Variants in PRDM16 observed in about 807,000 individuals in gnomAD.
PRDM16 encodes the protein PR/SET domain 16.
A neutral mutation model predicts 110.6 loss-of-function variants in PRDM16; 23 were observed. The observed-to-expected ratio is 0.21, with a 90% CI of 0.15 to 0.29. PRDM16 has a LOEUF of 0.29. PRDM16 is among the 10% of genes least tolerant of loss of function. PRDM16 has a pLI of 1.00. For synonymous variants in PRDM16, 799 were observed against 781.8 expected (o/e 1.02, Z -0.37); for missense variants, 1,615 against 1,794.3 (o/e 0.90, Z 1.81).
At chr1:3,292,719 G>A (rs78986054) in intron 3 of PRDM16, among the ~76,000 whole-genome samples, 2,830 of 152,302 alleles carry the variant, frequency 0.019, 100 homozygotes, top group African/African-American at 0.065. Flanking sequence ...GGTGGCCCCA[G>A]GAGACAGGGG....
In PRDM16 at chr1:3,245,068, C is replaced by T. The variant is rs1325877144; in HGVS notation, c.438+931C>T. On this transcript the variant is annotated intron_variant, in intron 3 of 16. Coordinates refer to ENST00000270722, the MANE Select transcript of PRDM16 (RefSeq NM_022114.4). The surrounding 1 kb of genome is among the most constrained non-coding windows in gnomAD (Gnocchi z 4.7). The stretch of plus-strand genomic sequence containing the variant: ...CCCACCCAGACAGCATCGCAGGGGG[C>T]GGGGTGGGGCGGGGTGCACCATGGG... Among the ~76,000 whole-genome samples the T allele has an allele frequency of 1.3e-5, 2 of 151,826 alleles. No individual in the cohort carries two copies. Among genetic ancestry groups the T allele is most frequent in the African/African-American group, 4.8e-5 (2 of 41,342 alleles).
At chr1:3,405,386 A>G in intron 7 of PRDM16, 109 bp from the exon 8 acceptor site, 2 of 1,291,080 alleles carry the variant, frequency 1.5e-6, no homozygotes, top group South Asian at 3.1e-5. Flanking sequence ...CAACGTGGCA[A>G]GAGAGACAGG....
chr1:3,400,339 G>A (rs1643447001), intron 5 of PRDM16, among the ~76,000 whole-genome samples: 4 of 152,216 alleles, frequency 2.6e-5, no homozygotes, highest in Non-Finnish European at 1.5e-5. Context: ...GCCACGTGGG[G>A]CTCCCACCAG....
chr1:3,182,977 T>C (rs983891388), intron 1 of PRDM16, among the ~76,000 whole-genome samples: 1 of 152,120 alleles, frequency 6.6e-6, no homozygotes, highest in Non-Finnish European at 1.5e-5. Flanking sequence ...GGTCTCCCCA[T>C]AGAAATTCTA....
intron 3 of PRDM16, among the ~76,000 whole-genome samples, chr1:3,369,207 T>C (rs1478938745): frequency 6.6e-6 from 1 of 152,208 alleles, no homozygotes; most frequent in Non-Finnish European, 1.5e-5. Flanking sequence ...TTGAACTTAA[T>C]TGGTTCCATT....
intron 3 of PRDM16, among the ~76,000 whole-genome samples, chr1:3,365,883 TG>T (rs1642800463): frequency 6.6e-6 from 1 of 152,180 alleles, no homozygotes; most frequent in South Asian, 2.1e-4. Flanking sequence ...CGTGTTTATG[TG>T]CGCAGGGATG....
chr1:3,258,492 A>G (rs748097165), intron 3 of PRDM16, among the ~76,000 whole-genome samples: 44 of 152,208 alleles, frequency 2.9e-4, no homozygotes, highest in Admixed American at 9.8e-4. Flanking sequence ...CTGCATTGGG[A>G]AACTGTTTCT....
At chr1:3,149,934 G>C (rs1008258772) in intron 1 of PRDM16, among the ~76,000 whole-genome samples, 3 of 152,178 alleles carry the variant, frequency 2.0e-5, no homozygotes, top group Non-Finnish European at 4.4e-5. Flanking sequence ...CCTGGACAAG[G>C]TTCAAGGAGG....
chr1:3,396,456 ACACT>A (rs1643387722), intron 4 of PRDM16, 31 bp from the exon 5 acceptor site: 2 of 1,226,588 alleles, frequency 1.6e-6, no homozygotes, highest in Admixed American at 1.9e-5. Context: ...CCAACAAACC[ACACT>A]CACCCTTTCT....
chr1:3,203,425 G>A lies in PRDM16; in HGVS notation c.387+16951G>A, dbSNP rs571552214. On this transcript the variant is annotated intron_variant, in intron 2 of 16. Transcript: ENST00000270722. ...CTGTGACTGAGAGGCAGGTGCTTATGAGCCCGTATTAGGGCCGTAGGGGCG... is the reference window on the plus strand; with the variant it reads ...CTGTGACTGAGAGGCAGGTGCTTATAAGCCCGTATTAGGGCCGTAGGGGCG... Among the ~76,000 whole-genome samples the A allele has an allele frequency of 1.8e-4, 27 of 152,366 alleles. 1 individual carries two copies. The South Asian group carries it at 5.6e-3, about 32-fold the overall frequency.
intron 12 of PRDM16, among the ~76,000 whole-genome samples, chr1:3,422,706 C>T (rs1569763678): frequency 6.6e-6 from 1 of 152,194 alleles, no homozygotes; most frequent in Admixed American, 6.5e-5. Context: ...GGCACCCAAG[C>T]ATCTCCAACC....
Position 3,430,893 on chromosome 1 carries a change from C to T in PRDM16, c.3306C>T (p.Asp1102=), listed in dbSNP as rs199800219. ...TEKRADMQIV[D]GSAQCPGLAS... ...TCAGGGCGGACATGCAGATCGTGGA[C>T]GGCAGTGCCCAGTGTCCAGGCCTAG... The change falls in exon 15 of 17, where the codon GAC becomes GAT. Residue 1102 remains aspartate, a synonymous_variant. Transcript: ENST00000270722. The T allele has an allele frequency of 5.4e-5, 87 of 1,614,072 alleles. No individual in the cohort carries two copies. Among genetic ancestry groups the T allele is most frequent in the Non-Finnish European group, 3.5e-5 (41 of 1,180,004 alleles).
rs1398093252 is a variant in PRDM16 at position 3,359,112 on chromosome 1, A to G, written c.439-26040A>G. Among the ~76,000 whole-genome samples the G allele has an allele frequency of 6.6e-6, 1 of 152,120 alleles. No individual in the cohort carries two copies. The highest frequency in any genetic ancestry group is 2.4e-5 in the African/African-American group (1 of 41,412). Reference sequence around the variant, plus strand: ...TGGAGTGCAGTGGCTCCATCACGGCACACTGCAGCCTCCACCTCCCGGGCT... The same window carrying G: ...TGGAGTGCAGTGGCTCCATCACGGCGCACTGCAGCCTCCACCTCCCGGGCT... On this transcript the variant is annotated intron_variant, in intron 3 of 16. Transcript: ENST00000270722. The surrounding 1 kb of genome is among the most constrained non-coding windows in gnomAD (Gnocchi z 4.3).
At position 3,069,333 on chromosome 1, in the gene PRDM16, GGC is replaced by G; in HGVS notation, c.37+38_37+39del. On this transcript the variant is annotated intron_variant, in intron 1 of 16. Coordinates refer to ENST00000270722, the MANE Select transcript of PRDM16 (RefSeq NM_022114.4). This position sits in a 1 kb window ranked among gnomAD's most constrained non-coding sequence, Gnocchi z 6.1. ...GCGCTCGGCCGCGCCGCGCCGCCGG[GGC>G]CCGGGCCGCCGGGCCGGGGCGCCCG... The G allele has an allele frequency of 9.2e-7, 1 of 1,089,880 alleles. No individual in the cohort carries two copies. The highest frequency in any genetic ancestry group is 1.1e-6 in the Non-Finnish European group (1 of 886,866). 67.5% of individuals were successfully genotyped at this position (1,089,880 alleles called of 1,614,324 possible).
intron 1 of PRDM16, among the ~76,000 whole-genome samples, chr1:3,134,368 C>T (rs760737240): frequency 2.4e-4 from 37 of 152,234 alleles, no homozygotes; most frequent in Non-Finnish European, 4.6e-4. Context: ...AGTTGGGCAG[C>T]AGGCATGGCA....
Position 3,425,744 on chromosome 1 carries a change from G to T in PRDM16, c.3103G>T (p.Ala1035Ser), listed in dbSNP as rs765394108. ...RHLKKHEHEN[A>S]PVSQHPGVLT... is the part of the protein sequence containing the mutation. The stretch of plus-strand genomic sequence containing the variant: ...CCTCAAGAAGCACGAGCACGAGAAC[G>T]CACCAGGTGGGCCACGCGGGGTGGG... The change falls in exon 13 of 17, where the codon GCA (alanine) becomes TCA (serine). Residue 1035 changes from alanine to serine, a missense_variant. Ala to Ser is a moderately conservative substitution (Grantham distance 99). Coordinates refer to ENST00000270722, the MANE Select transcript of PRDM16 (RefSeq NM_022114.4). The surrounding 1 kb of genome is among the most constrained non-coding windows in gnomAD (Gnocchi z 6.9). 6 of 1,613,378 alleles carry T rather than the reference G, an allele frequency of 3.7e-6. No homozygotes were observed. The highest frequency in any genetic ancestry group is 5.1e-6 in the Non-Finnish European group (6 of 1,179,914).
Position 3,165,970 on chromosome 1 carries a change from C to T in PRDM16, c.38-20155C>T, listed in dbSNP as rs116254400. 6.6e-4 allele frequency among the ~76,000 whole-genome samples: 95 copies of T among 144,332 alleles called. 5 individuals are homozygous for T. Among genetic ancestry groups the T allele is most frequent in the African/African-American group, 2.7e-3 (92 of 34,094 alleles). The allele number at this position is 144,332 out of a possible 152,430, so 94.7% of individuals were successfully genotyped here. A position where few individuals can be genotyped will look rare whatever the true frequency, so the allele number is the denominator to read the frequency against. ...CTTTTTTTTCTCCCAGTGACCACAC[C>T]ATTCCGTTGTGGACCCAACAAGGTG... On this transcript the variant is annotated intron_variant, in intron 1 of 16. Coordinates refer to ENST00000270722, the MANE Select transcript of PRDM16 (RefSeq NM_022114.4).
chr1:3,318,339 T>C (rs992991323), intron 3 of PRDM16, among the ~76,000 whole-genome samples: 7 of 152,252 alleles, frequency 4.6e-5, no homozygotes, highest in African/African-American at 1.7e-4. Context: ...TGGTTGTTTT[T>C]CTTTTTTAAG....
intron 1 of PRDM16, among the ~76,000 whole-genome samples, chr1:3,100,699 CGTG>C (rs59850823): frequency 0.011 from 1,688 of 152,236 alleles, 33 homozygotes; most frequent in African/African-American, 0.039. Context: ...GTGAGGTTCC[CGTG>C]AGGAAGATAG....
Sources: allele counts gnomAD v4.1 joint callset (sites outside exome capture counted in the v4.1 genomes callset), GRCh38; gene constraint gnomAD v4.1.1; non-coding constraint Gnocchi (gnomAD v3.1); transcripts MANE v1.5; gene names NCBI Gene and HGNC (gene_info 2026-07-23, HGNC 2026-07-21).